DYSF: variants seen among roughly 807,000 people sequenced by gnomAD.
The protein encoded by DYSF is dystrophy-associated fer-1-like 1.
DYSF carries 212 observed loss-of-function variants against 274.9 expected under a neutral mutation model. The ratio of observed to expected loss-of-function variants is 0.77; its 90% CI spans 0.69 to 0.86. The LOEUF (loss-of-function observed/expected upper bound fraction) is 0.86. Ranked by LOEUF, DYSF falls within the 40% of genes least tolerant of loss-of-function variation. DYSF has a pLI of 0.00. For synonymous variants in DYSF, 1,091 were observed against 1,078.7 expected, an observed-to-expected ratio of 1.01 and a Z score of -0.22; for missense variants, 2,666 against 2,783.2, an observed-to-expected ratio of 0.96 and a Z score of 0.95.
chr2:71,503,376 C>A lies in DYSF; in HGVS notation c.345+57C>A, dbSNP rs544966702. ...GTCCAAGGCATTGCCAGGTGGCTTC[C>A]TCTTTGGGCCTTGCCATTCTGACCC... On this transcript the variant is annotated intron_variant, in intron 4 of 55. Transcript: ENST00000410020. 5 of 1,560,868 alleles carry A rather than the reference C, an allele frequency of 3.2e-6. No individual in the cohort carries two copies. In the African/African-American group the frequency reaches 6.8e-5, roughly 21 times the overall value.
chr2:71,638,692 C>T (rs1357575543), intron 41 of DYSF, among the ~76,000 whole-genome samples: 2 of 152,086 alleles, frequency 1.3e-5, no homozygotes, highest in Admixed American at 6.6e-5. Flanking sequence ...AATAATGTGC[C>T]AGTGTAAGGA....
chr2:71,666,689 G>A (rs1386826379), intron 47 of DYSF, among the ~76,000 whole-genome samples: 4 of 152,178 alleles, frequency 2.6e-5, no homozygotes, highest in Admixed American at 1.3e-4. Flanking sequence ...TACCTGGGAC[G>A]CACCTGGGGA....
intron 14 of DYSF, among the ~76,000 whole-genome samples, 189 bp from the exon 15 acceptor site, chr2:71,534,831 AT>A (rs1171255395): frequency 6.6e-6 from 1 of 152,044 alleles, no homozygotes; most frequent in Non-Finnish European, 1.5e-5. Flanking sequence ...CTGACCTTCC[AT>A]TGAGCTTTGT....
intron 40 of DYSF, 79 bp from the exon 41 acceptor site, chr2:71,620,468 G>T (rs148800982): frequency 2.1e-6 from 3 of 1,452,038 alleles, no homozygotes; most frequent in South Asian, 2.4e-5. Flanking sequence ...GTCAGAGAGC[G>T]CTACCTCTTG....
intron 1 of DYSF, among the ~76,000 whole-genome samples, chr2:71,459,531 G>A (rs10190362): frequency 0.025 from 3,739 of 152,240 alleles, 159 homozygotes; most frequent in African/African-American, 0.085. Context: ...CAGACGGTCA[G>A]TGTTAGGTGG....
intron 53 of DYSF, among the ~76,000 whole-genome samples, chr2:71,680,616 G>A (rs138062172): frequency 1.3e-5 from 2 of 152,296 alleles, no homozygotes; most frequent in East Asian, 1.9e-4. Flanking sequence ...CCCATACAAT[G>A]TTTGGCAGTC....
intron 46 of DYSF, 96 bp from the exon 47 acceptor site, chr2:71,665,066 A>G (rs936123979): frequency 1.9e-6 from 3 of 1,592,544 alleles, no homozygotes; most frequent in Non-Finnish European, 1.7e-6. Context: ...AGGAGTGGGC[A>G]ATGCTGTACA....
intron 10 of DYSF, among the ~76,000 whole-genome samples, chr2:71,519,502 G>A (rs545639321): frequency 2.8e-4 from 42 of 152,168 alleles, no homozygotes; most frequent in Admixed American, 2.6e-3. Flanking sequence ...GCTGCCCCCT[G>A]CAGCCTTCCC....
intron 41 of DYSF, among the ~76,000 whole-genome samples, chr2:71,643,486 G>A (rs1332569195): frequency 6.6e-6 from 1 of 152,170 alleles, no homozygotes; most frequent in Non-Finnish European, 1.5e-5. Context: ...TGGGTAGGGA[G>A]GCAGATGGGC....
intron 3 of DYSF, among the ~76,000 whole-genome samples, chr2:71,499,664 T>A (rs57944653): frequency 1.3e-5 from 2 of 152,098 alleles, no homozygotes; most frequent in African/African-American, 4.8e-5. Context: ...CTGTCAGACC[T>A]CAAGCTGCCT....
Position 71,526,196 on chromosome 2 carries a change from AATCGT to A in DYSF, c.1150-21_1150-17del, listed in dbSNP as rs2087880523. On this transcript the variant is annotated intron_variant, in intron 12 of 55. Transcript: ENST00000410020. ...CCCTGTGCTCAGGAGCGCATGAAGG[AATCGT>A]ATTTGGTTTTCTTTGTAGCTGGAGA... The A allele has an allele frequency of 6.2e-7, 1 of 1,614,094 alleles. No individual in the cohort carries two copies. Among genetic ancestry groups the A allele is most frequent in the African/African-American group, 1.3e-5 (1 of 74,950 alleles).
At chr2:71,567,354 C>T (rs889239012) in intron 24 of DYSF, among the ~76,000 whole-genome samples, 1 of 152,208 alleles carries the variant, frequency 6.6e-6, no homozygotes, top group Non-Finnish European at 1.5e-5. Context: ...GCTTTAATTT[C>T]TTCTCTTTCC....
At chr2:71,476,977 G>A (rs953130167) in intron 1 of DYSF, among the ~76,000 whole-genome samples, 2 of 152,034 alleles carry the variant, frequency 1.3e-5, no homozygotes, top group African/African-American at 4.8e-5. Context: ...ACCACTTGCT[G>A]CCAATCAAAA....
At chr2:71,462,889 G>T (rs2152634803), upstream of DYSF, among the ~76,000 whole-genome samples, 1 of 152,326 alleles carries the variant, frequency 6.6e-6, no homozygotes, top group South Asian at 2.1e-4. Flanking sequence ...AAGGGAGGAA[G>T]TGTGTGCTGT....
In DYSF at chr2:71,669,644, C is replaced by G; in HGVS notation, c.5682C>G (p.Asp1894Glu). Residue 1894 changes from aspartate (D) to glutamate (E), a missense_variant, in exon 51 of 56, where the codon GAC becomes GAG. Asp to Glu is a conservative substitution (Grantham distance 45). Around this residue, in one of 3 missense-constraint regions of DYSF, gnomAD observed 1,460 missense variants for 1,502.1 expected, o/e 0.97. Transcript: ENST00000410020. Reference protein sequence around the residue: ...IGFEEHKQKTDVHYRSLGGEG... With the variant: ...IGFEEHKQKTEVHYRSLGGEG... Reference sequence around the variant, plus strand: ...TTGAAGAACACAAGCAAAAGACAGACGTGCATTATCGTTCCCTGGGAGGTG... The same window carrying G: ...TTGAAGAACACAAGCAAAAGACAGAGGTGCATTATCGTTCCCTGGGAGGTG... The G allele has an allele frequency of 6.2e-7, 1 of 1,614,168 alleles. No individual in the cohort carries two copies. Among genetic ancestry groups the G allele is most frequent in the Non-Finnish European group, 8.5e-7 (1 of 1,180,032 alleles).
At chr2:71,668,084 A>T (rs1284674720) in intron 48 of DYSF, among the ~76,000 whole-genome samples, 1 of 151,932 alleles carries the variant, frequency 6.6e-6, no homozygotes, top group African/African-American at 2.4e-5. Flanking sequence ...GGGTTTTGGA[A>T]GAGGAGAAGG....
chr2:71,481,076 A>G (rs1366529728), intron 2 of DYSF, 138 bp downstream of exon 2: 9 of 856,760 alleles, frequency 1.1e-5, no homozygotes, highest in East Asian at 2.6e-5. Flanking sequence ...CAGCCTGCCA[A>G]CGAAATCCTT....
chr2:71,605,937 T>G (rs1394774207), intron 36 of DYSF, among the ~76,000 whole-genome samples: 4 of 152,138 alleles, frequency 2.6e-5, no homozygotes, highest in Non-Finnish European at 5.9e-5. Context: ...CCTCCCAGCC[T>G]GCCTGGCTGC....
At chr2:71,665,594 G>A (rs1410091541) in intron 47 of DYSF, among the ~76,000 whole-genome samples, 1 of 152,236 alleles carries the variant, frequency 6.6e-6, no homozygotes, top group African/African-American at 2.4e-5. Context: ...TGAGTCTGAA[G>A]CCAGTGTCAG....
Sources: allele counts gnomAD v4.1 joint callset (sites outside exome capture counted in the v4.1 genomes callset), GRCh38; gene constraint gnomAD v4.1.1; regional missense constraint gnomAD v4.1.1; transcripts MANE v1.5; gene names NCBI Gene and HGNC (gene_info 2026-07-23, HGNC 2026-07-21).